MARCHF4: variants seen among roughly 807,000 people sequenced by gnomAD.
The protein encoded by MARCHF4 is membrane associated ring-CH-type finger 4.
In MARCHF4, 14 loss-of-function variants were observed where a neutral mutation model predicts 43.9. That is an observed-to-expected ratio of 0.32 (90% CI 0.21 to 0.50). MARCHF4 has a LOEUF of 0.50. MARCHF4 is among the 20% of genes least tolerant of loss of function. The probability of loss-of-function intolerance (pLI) is 0.98; values close to 1 mark genes in which losing one functional copy is unlikely to be tolerated. For synonymous variants in MARCHF4, 226 were observed against 213.3 expected, an observed-to-expected ratio of 1.06 and a Z score of -0.52; for missense variants, 468 against 536.7, an observed-to-expected ratio of 0.87 and a Z score of 1.27.
intron 1 of MARCHF4, among the ~76,000 whole-genome samples, chr2:216,308,383 A>G (rs1281790829): frequency 6.6e-6 from 1 of 152,210 alleles, no homozygotes; most frequent in East Asian, 1.9e-4. Flanking sequence ...CAGCCTGGGC[A>G]ACAGAGCCAG....
intron 3 of MARCHF4, 138 bp downstream of exon 3, chr2:216,277,533 TG>T: frequency 1.2e-6 from 1 of 816,088 alleles, no homozygotes; most frequent in Non-Finnish European, 1.9e-6. Flanking sequence ...TCCAAGCCTC[TG>T]GCCTCTCCTG....
At chr2:216,281,890 A>G (rs773338244) in intron 2 of MARCHF4, among the ~76,000 whole-genome samples, 37 of 152,212 alleles carry the variant, frequency 2.4e-4, no homozygotes, top group Non-Finnish European at 4.7e-4. Flanking sequence ...TTGGGAGATT[A>G]GAATAACCTT....
At chr2:216,315,875 C>A (rs1318322596) in intron 1 of MARCHF4, among the ~76,000 whole-genome samples, 1 of 152,252 alleles carries the variant, frequency 6.6e-6, no homozygotes, top group East Asian at 1.9e-4. Context: ...TCATCCCAGT[C>A]GCCTTAGGCC....
intron 1 of MARCHF4, among the ~76,000 whole-genome samples, chr2:216,331,873 A>C (rs1310714458): frequency 6.6e-6 from 1 of 152,208 alleles, no homozygotes; most frequent in African/African-American, 2.4e-5. Context: ...ATAATACTTG[A>C]GAAATAGTGA....
chr2:216,358,859 C>A (rs764997266), intron 1 of MARCHF4, among the ~76,000 whole-genome samples: 1 of 152,190 alleles, frequency 6.6e-6, no homozygotes, highest in Non-Finnish European at 1.5e-5. Context: ...TGAGCTAAAA[C>A]ACTTCATTGT....
chr2:216,290,133 CTGTTATG>C (rs1691285924), intron 1 of MARCHF4, among the ~76,000 whole-genome samples: 1 of 152,038 alleles, frequency 6.6e-6, no homozygotes, highest in Non-Finnish European at 1.5e-5. Flanking sequence ...ACCTAAGAGA[CTGTTATG>C]TGCTATGGAG....
At chr2:216,261,896 C>T (rs1356617952) in intron 3 of MARCHF4, among the ~76,000 whole-genome samples, 2 of 152,124 alleles carry the variant, frequency 1.3e-5, no homozygotes, top group Non-Finnish European at 2.9e-5. Context: ...AGAAGCAAGA[C>T]CAGCAAGTGT....
intron 1 of MARCHF4, among the ~76,000 whole-genome samples, chr2:216,319,306 T>TAAAACAAAAC (rs759192528): frequency 2.6e-5 from 4 of 151,994 alleles, no homozygotes; most frequent in Non-Finnish European, 4.4e-5. Flanking sequence ...AGATTCCATC[T>TAAAACAAAAC]AAAACAAAAC....
intron 1 of MARCHF4, among the ~76,000 whole-genome samples, chr2:216,360,545 C>T (rs1386772283): frequency 2.6e-5 from 4 of 151,388 alleles, no homozygotes; most frequent in Non-Finnish European, 5.9e-5. Flanking sequence ...TGTATAATTC[C>T]AACTATCTGA....
chr2:216,269,305 A>C (rs897067490), intron 3 of MARCHF4, among the ~76,000 whole-genome samples: 1 of 152,164 alleles, frequency 6.6e-6, no homozygotes, highest in Non-Finnish European at 1.5e-5. Flanking sequence ...AACTTGACCC[A>C]GTGGAGCAGA....
chr2:216,291,482 G>A (rs1020482183), intron 1 of MARCHF4, among the ~76,000 whole-genome samples: 2 of 152,096 alleles, frequency 1.3e-5, no homozygotes, highest in East Asian at 1.9e-4. Flanking sequence ...TATGCTTATG[G>A]GCAGCATGAA....
chr2:216,313,509 T>C (rs1035067155), intron 1 of MARCHF4, among the ~76,000 whole-genome samples: 6 of 152,248 alleles, frequency 3.9e-5, no homozygotes, highest in African/African-American at 9.6e-5. Flanking sequence ...CTAGGCCTGA[T>C]TGTAAAGCTC....
chr2:216,317,731 A>C (rs1691803106), intron 1 of MARCHF4, among the ~76,000 whole-genome samples: 1 of 152,206 alleles, frequency 6.6e-6, no homozygotes, highest in African/African-American at 2.4e-5. Flanking sequence ...CTTTTAAAGC[A>C]AGCTTTTTTT....
intron 1 of MARCHF4, among the ~76,000 whole-genome samples, chr2:216,344,193 T>A (rs1214867158): frequency 6.6e-6 from 1 of 152,100 alleles, no homozygotes; most frequent in Non-Finnish European, 1.5e-5. Flanking sequence ...AAAGACAAAC[T>A]AAAACAGAAA....
chr2:216,328,881 T>A (rs1041588929), intron 1 of MARCHF4, among the ~76,000 whole-genome samples: 1 of 151,610 alleles, frequency 6.6e-6, no homozygotes, highest in Non-Finnish European at 1.5e-5. Flanking sequence ...CTACTAAACA[T>A]ACAAAAATTA....
At chr2:216,286,106 G>A (rs1292546430) in intron 1 of MARCHF4, among the ~76,000 whole-genome samples, 1 of 152,164 alleles carries the variant, frequency 6.6e-6, no homozygotes, top group Non-Finnish European at 1.5e-5. Flanking sequence ...GCGTGACCTG[G>A]CCTAATCCCA....
At position 216,258,507 on chromosome 2, in the gene MARCHF4, G is replaced by GTGTGT. The variant is rs1553590535; in HGVS notation, c.*804_*805insACACA. On this transcript the variant is annotated 3_prime_UTR_variant, in exon 4 of 4. Transcript: ENST00000273067. ...CTGGAAATCTGTACTTTTCTCTAGG[G>GTGTGT]GTGTGTGTGTGTGTGTGTGTGTGTG... 3.4e-5 allele frequency: 5 copies of GTGTGT among 145,150 alleles called. No individual in the cohort carries two copies. The highest frequency in any genetic ancestry group is 2.0e-4 in the East Asian group (1 of 4,932). The allele number at this position is 145,150 out of a possible 1,614,324, so 9.0% of individuals were successfully genotyped here. A position where few individuals can be genotyped will look rare whatever the true frequency, so the allele number is the denominator to read the frequency against.
intron 1 of MARCHF4, among the ~76,000 whole-genome samples, chr2:216,337,489 G>A (rs1692176291): frequency 6.6e-6 from 1 of 152,080 alleles, no homozygotes; most frequent in African/African-American, 2.4e-5. Flanking sequence ...TTTTGGGGTT[G>A]GCATTATGGA....
At chr2:216,260,920 C>A (rs1184061183) in intron 3 of MARCHF4, among the ~76,000 whole-genome samples, 5 of 152,162 alleles carry the variant, frequency 3.3e-5, no homozygotes, top group Admixed American at 3.3e-4. Context: ...TGAGAAACTG[C>A]TGGAGTCAGG....
Sources: allele counts gnomAD v4.1 joint callset (sites outside exome capture counted in the v4.1 genomes callset), GRCh38; gene constraint gnomAD v4.1.1; transcripts MANE v1.5; gene names NCBI Gene and HGNC (gene_info 2026-07-23, HGNC 2026-07-21).